CHPF2: variants seen among roughly 807,000 people sequenced by gnomAD.
CHPF2 encodes the protein chondroitin polymerizing factor 2.
In CHPF2, 58 loss-of-function variants were observed where a neutral mutation model predicts 63.0. The observed-to-expected ratio is 0.92, with a 90% CI of 0.75 to 1.15. The LOEUF (loss-of-function observed/expected upper bound fraction) is 1.15, where lower values mean the gene tolerates loss of function less well. Ranked by LOEUF, CHPF2 falls within the 50% of genes most tolerant of loss-of-function variation. The pLI is 0.00. For missense variants in CHPF2, 1,045 were observed against 1,035.4 expected (o/e 1.01, Z -0.13); for synonymous variants, 442 against 438.0 (o/e 1.01, Z -0.11).
At position 151,236,525 on chromosome 7, in the gene CHPF2, C is replaced by A. The variant is rs772118409; in HGVS notation, c.946C>A (p.Arg316=). The A allele has an allele frequency of 1.2e-6, 2 of 1,609,662 alleles. No individual in the cohort carries two copies. Among genetic ancestry groups the A allele is most frequent in the African/African-American group, 2.7e-5 (2 of 74,854 alleles). ...HPVSEGTLMY[R]LHKRFSALEL... The stretch of plus-strand genomic sequence containing the variant: ...TGTCTCCGAAGGTACCCTCATGTAC[C>A]GGCTCCACAAACGCTTCAGCGCTCT... Residue 316 remains arginine, a synonymous_variant, in exon 3 of 4, where the codon CGG becomes AGG. Transcript: ENST00000035307.
intron 2 of CHPF2, 42 bp downstream of exon 2, chr7:151,235,654 G>A (rs1471698236): frequency 7.8e-6 from 12 of 1,532,404 alleles, no homozygotes; most frequent in Middle Eastern, 1.8e-4. Flanking sequence ...TGATAAGCTA[G>A]TGGGGGATGA....
At chr7:151,234,974 G>A (rs1802587896) in intron 1 of CHPF2, 74 bp from the exon 2 acceptor site, 1 of 1,196,172 alleles carries the variant, frequency 8.4e-7, no homozygotes, top group Non-Finnish European at 1.2e-6. Flanking sequence ...CTCCTAGAGG[G>A]GGATGTATAT....
rs759088250 is a variant in CHPF2, at chr7:151,235,502, C to T, written c.718C>T (p.Arg240Trp). 15 of 1,611,240 alleles carry T rather than the reference C, an allele frequency of 9.3e-6. No homozygotes were observed. The highest frequency in any genetic ancestry group is 7.7e-5 in the South Asian group (7 of 91,080). ...LLSRSLLLRL[R>W]PHLDGCRGDI... Reference sequence around the variant, plus strand: ...GTCACGGAGTCTCCTGCTTCGTCTGCGGCCACATCTGGATGGCTGCCGAGG... The same window carrying T: ...GTCACGGAGTCTCCTGCTTCGTCTGTGGCCACATCTGGATGGCTGCCGAGG... The change falls in exon 2 of 4, where the codon CGG becomes TGG. Residue 240 changes from arginine (R) to tryptophan (W), a missense_variant. Transcript: ENST00000035307.
In CHPF2 at chr7:151,234,139, T is replaced by A. The variant is rs1304059267; in HGVS notation, c.128T>A (p.Val43Asp). 6.2e-7 allele frequency: 1 copy of A among 1,613,270 alleles called. No homozygotes were observed. The highest frequency in any genetic ancestry group is 1.1e-5 in the South Asian group (1 of 91,026). Residue 43 changes from valine to aspartate, a missense_variant, in exon 1 of 4, where the codon GTC (valine) becomes GAC (aspartate). By Grantham distance (152) the Val-to-Asp change is radical. Coordinates refer to ENST00000035307, the MANE Select transcript of CHPF2 (RefSeq NM_019015.3). Reference protein sequence around the residue: ...WIQGEGEDPCVEAVGERGGPQ... With the variant: ...WIQGEGEDPCDEAVGERGGPQ... ...CAGGGGGAGGGAGAAGATCCCTGTG[T>A]CGAGGCTGTAGGGGAGCGAGGAGGG...
chr7:151,238,322 C>A lies in CHPF2; in HGVS notation c.1960C>A (p.Pro654Thr). The part of the protein sequence containing the change: ...PDPPSPPGAD[P>T]SRGAPIGGRF... ...CCCCCCCTCCCCTCCTGGTGCTGACCCCTCCCGGGGGGCTCCTATAGGGGG... is the reference window on the plus strand; with the variant it reads ...CCCCCCCTCCCCTCCTGGTGCTGACACCTCCCGGGGGGCTCCTATAGGGGG... The change falls in exon 4 of 4, where the codon CCC (proline) becomes ACC (threonine). Residue 654 changes from proline (P) to threonine (T), a missense_variant. By Grantham distance (38) the Pro-to-Thr change is conservative. Transcript: ENST00000035307. The A allele has an allele frequency of 1.2e-6, 2 of 1,610,098 alleles. No homozygotes were observed. The highest frequency in any genetic ancestry group is 8.5e-7 in the Non-Finnish European group (1 of 1,178,164).
chr7:151,233,003 AGCGCAGGGGCTGTGGGCCCCCGGC>A lies in CHPF2; in HGVS notation c.-1008_-985del. Reference sequence around the variant, plus strand: ...ACTTGGTCTCTGATCGCCGAGAGGTAGCGCAGGGGCTGTGGGCCCCCGGCAGGGGTCCTGTCGGAAGCTGGCCGC... The same window carrying A: ...ACTTGGTCTCTGATCGCCGAGAGGTAAGGGGTCCTGTCGGAAGCTGGCCGC... On this transcript the variant is annotated 5_prime_UTR_variant, in exon 1 of 4. Coordinates refer to ENST00000035307, the MANE Select transcript of CHPF2 (RefSeq NM_019015.3). The A allele has an allele frequency of 3.1e-6, 4 of 1,279,612 alleles. No individual in the cohort carries two copies. The highest frequency in any genetic ancestry group is 4.0e-6 in the Non-Finnish European group (4 of 1,012,362). The allele number at this position is 1,279,612 out of a possible 1,614,324, so 79.3% of individuals were successfully genotyped here. A position where few individuals can be genotyped will look rare whatever the true frequency, so the allele number is the denominator to read the frequency against.
Position 151,232,758 on chromosome 7 carries a change from G to A in CHPF2, c.-1254G>A. 1.3e-6 allele frequency: 2 copies of A among 1,508,106 alleles called. No homozygotes were observed. The highest frequency in any genetic ancestry group is 1.8e-6 in the Non-Finnish European group (2 of 1,135,116). The allele number at this position is 1,508,106 out of a possible 1,614,324, so 93.4% of individuals were successfully genotyped here. ...GCGTCCCTCCTGGTCCTGCGCTCGCGGCCTCGATGCTGTCTCTGGCGCGGC... is the reference window on the plus strand; with the variant it reads ...GCGTCCCTCCTGGTCCTGCGCTCGCAGCCTCGATGCTGTCTCTGGCGCGGC... On this transcript the variant is annotated 5_prime_UTR_variant, in exon 1 of 4. Transcript: ENST00000035307.
chr7:151,236,304 C>G (rs1017971319), intron 2 of CHPF2, 104 bp from the exon 3 acceptor site: 1 of 1,022,908 alleles, frequency 9.8e-7, no homozygotes, highest in African/African-American at 1.6e-5. Flanking sequence ...GTCCTCTGTT[C>G]TAACGCAGCA....
rs1290847937 is a variant in CHPF2, at chr7:151,237,904, C to G, written c.1542C>G (p.Val514=). 1 of 1,612,808 alleles carries G rather than the reference C, an allele frequency of 6.2e-7. No individual in the cohort carries two copies. Among genetic ancestry groups the G allele is most frequent in the Non-Finnish European group, 8.5e-7 (1 of 1,180,022 alleles). The part of the protein sequence containing the change: ...PAFLEAFAAN[V]LEPREHALLT... ...TCCTCGAGGCCTTTGCAGCCAATGT[C>G]CTGGAGCCACGAGAACATGCATTGC... is the stretch of plus-strand genomic sequence containing the variant. The change falls in exon 4 of 4, where the codon GTC becomes GTG. Residue 514 remains valine (V), a synonymous_variant. Transcript: ENST00000035307.
chr7:151,238,215 T>C lies in CHPF2; in HGVS notation c.1853T>C (p.Phe618Ser), dbSNP rs771293908. 4.3e-6 allele frequency: 7 copies of C among 1,612,844 alleles called. No homozygotes were observed. The African/African-American group carries it at 6.7e-5, about 15-fold the overall frequency. The change falls in exon 4 of 4, where the codon TTC becomes TCC. Residue 618 changes from phenylalanine (F) to serine (S), a missense_variant. Physicochemically the swap from Phe to Ser is radical, Grantham distance 155 (BLOSUM62 -2). Coordinates refer to ENST00000035307, the MANE Select transcript of CHPF2 (RefSeq NM_019015.3). ...AATGCCATCTCTGGCTGGCAGGCCT[T>C]CTTTCCAGTCCATTTCCAGGAGTTC... ...RMNAISGWQA[F>S]FPVHFQEFNP...
chr7:151,235,172 C>G lies in CHPF2; in HGVS notation c.388C>G (p.Arg130Gly), dbSNP rs754317674. The G allele has an allele frequency of 6.2e-7, 1 of 1,613,410 alleles. No individual in the cohort carries two copies. Among genetic ancestry groups the G allele is most frequent in the Admixed American group, 1.7e-5 (1 of 59,962 alleles). ...VNRTVAHHFP[R>G]LLYFTGQRGA... The stretch of plus-strand genomic sequence containing the variant: ...CCGTACGGTGGCCCATCACTTCCCT[C>G]GGTTACTCTACTTCACTGGGCAGCG... Residue 130 changes from arginine to glycine, a missense_variant, in exon 2 of 4, where the codon CGG (arginine) becomes GGG (glycine). Physicochemically the swap from Arg to Gly is moderately radical, Grantham distance 125. Transcript: ENST00000035307.
intron 1 of CHPF2, among the ~76,000 whole-genome samples, chr7:151,234,647 A>G (rs1802576477): frequency 6.6e-6 from 1 of 152,100 alleles, no homozygotes; most frequent in Non-Finnish European, 1.5e-5. Flanking sequence ...GCACACCACC[A>G]CGCCCAGCTA....
Position 151,237,827 on chromosome 7 carries a change from G to A in CHPF2, c.1465G>A (p.Val489Met). ...GCCCTATGTCACTGAGGCCACCCGAGTGCAGCTGGTGCTGCCACTCCTGGT... is the reference window on the plus strand; with the variant it reads ...GCCCTATGTCACTGAGGCCACCCGAATGCAGCTGGTGCTGCCACTCCTGGT... ...PMPYVTEATRVQLVLPLLVAE... is the reference protein window; with the variant it reads ...PMPYVTEATRMQLVLPLLVAE... The change falls in exon 4 of 4, where the codon GTG (valine) becomes ATG (methionine). Residue 489 changes from valine (V) to methionine (M), a missense_variant. By Grantham distance (21) the Val-to-Met change is conservative (BLOSUM62 1). Transcript: ENST00000035307. 4 of 1,612,656 alleles carry A rather than the reference G, an allele frequency of 2.5e-6. No homozygotes were observed. Among genetic ancestry groups the A allele is most frequent in the Non-Finnish European group, 3.4e-6 (4 of 1,180,016 alleles).
Position 151,235,497 on chromosome 7 carries a change from G to A in CHPF2, c.713G>A (p.Arg238His), listed in dbSNP as rs116843667. The A allele has an allele frequency of 4.2e-4, 677 of 1,611,422 alleles. 1 individual carries two copies. Among genetic ancestry groups the A allele is most frequent in the Middle Eastern group, 4.9e-4 (3 of 6,062 alleles). Reference sequence around the variant, plus strand: ...CTGTTGTCACGGAGTCTCCTGCTTCGTCTGCGGCCACATCTGGATGGCTGC... The same window carrying A: ...CTGTTGTCACGGAGTCTCCTGCTTCATCTGCGGCCACATCTGGATGGCTGC... ...GYLLSRSLLL[R>H]LRPHLDGCRG... Residue 238 changes from arginine (R) to histidine (H), a missense_variant, in exon 2 of 4, where the codon CGT (arginine) becomes CAT (histidine). Arg to His is a conservative substitution (Grantham distance 29). Transcript: ENST00000035307.
Position 151,238,632 on chromosome 7 carries a change from C to T in CHPF2, c.2270C>T (p.Ala757Val). Residue 757 changes from alanine to valine, a missense_variant, in exon 4 of 4, where the codon GCC becomes GTC. Transcript: ENST00000035307. ...AACCTGGAGGGGCTAGGGGGCCGTG[C>T]CCAGCTGGCTATGGCTCTCTTTGAG... ...LSNLEGLGGR[A>V]QLAMALFEQE... 6.2e-7 allele frequency: 1 copy of T among 1,611,374 alleles called. No individual in the cohort carries two copies. The highest frequency in any genetic ancestry group is 8.5e-7 in the Non-Finnish European group (1 of 1,178,510).
Position 151,237,928 on chromosome 7 carries a change from G to T in CHPF2, c.1566G>T (p.Leu522Phe). Reference protein sequence around the residue: ...ANVLEPREHALLTLLLVYGPR... With the variant: ...ANVLEPREHAFLTLLLVYGPR... ...TCCTGGAGCCACGAGAACATGCATTGCTCACCCTGTTGCTGGTCTACGGGC... is the reference window on the plus strand; with the variant it reads ...TCCTGGAGCCACGAGAACATGCATTTCTCACCCTGTTGCTGGTCTACGGGC... Residue 522 changes from leucine to phenylalanine, a missense_variant, in exon 4 of 4, where the codon TTG becomes TTT. Leu to Phe is a conservative substitution (Grantham distance 22). Transcript: ENST00000035307. The T allele has an allele frequency of 1.2e-6, 2 of 1,613,028 alleles. No individual in the cohort carries two copies. Among genetic ancestry groups the T allele is most frequent in the Non-Finnish European group, 1.7e-6 (2 of 1,180,022 alleles).
At chr7:151,235,728 G>A (rs548206200) in intron 2 of CHPF2, 116 bp downstream of exon 2, 23 of 980,686 alleles carry the variant, frequency 2.3e-5, no homozygotes, top group African/African-American at 1.3e-4. Context: ...GCCACTGGCC[G>A]CTCTGTGGGC....
At position 151,235,278 on chromosome 7, in the gene CHPF2, G is replaced by A. The variant is rs749025889; in HGVS notation, c.494G>A (p.Arg165His). 1.4e-5 allele frequency: 23 copies of A among 1,613,580 alleles called. No homozygotes were observed. Among genetic ancestry groups the A allele is most frequent in the Admixed American group, 3.3e-5 (2 of 59,996 alleles). Residue 165 changes from arginine (R) to histidine (H), a missense_variant, in exon 2 of 4, where the codon CGC (arginine) becomes CAC (histidine). Coordinates refer to ENST00000035307, the MANE Select transcript of CHPF2 (RefSeq NM_019015.3). ...GCCTGGCTCATGTCAGAGACCCTGCGCCACCTTCACACACACTTTGGGGCC... is the reference window on the plus strand; with the variant it reads ...GCCTGGCTCATGTCAGAGACCCTGCACCACCTTCACACACACTTTGGGGCC... ...RPAWLMSETL[R>H]HLHTHFGADY...
Position 151,232,702 on chromosome 7 carries a change from G to A in CHPF2, c.-1310G>A. 2 of 1,482,864 alleles carry A rather than the reference G, an allele frequency of 1.3e-6. No homozygotes were observed. Among genetic ancestry groups the A allele is most frequent in the Non-Finnish European group, 1.8e-6 (2 of 1,116,870 alleles). 91.9% of individuals were successfully genotyped at this position (1,482,864 alleles called of 1,614,324 possible). On this transcript the variant is annotated 5_prime_UTR_variant, in exon 1 of 4. Coordinates refer to ENST00000035307, the MANE Select transcript of CHPF2 (RefSeq NM_019015.3). ...CCGGTGTCCGCCGGCCCCCGGCCCT[G>A]AAACCCGGGCCTCCTCCCCGAGGGC...
Sources: allele counts gnomAD v4.1 joint callset (sites outside exome capture counted in the v4.1 genomes callset), GRCh38; gene constraint gnomAD v4.1.1; transcripts MANE v1.5; gene names NCBI Gene and HGNC (gene_info 2026-07-23, HGNC 2026-07-21).